Variants in SLC35F3 observed in about 807,000 individuals in gnomAD.
SLC35F3 encodes solute carrier family 35 member F3.
SLC35F3 carries 25 observed loss-of-function variants against 49.9 expected under a neutral mutation model. The ratio of observed to expected loss-of-function variants is 0.50; its 90% CI spans 0.37 to 0.70. The LOEUF (loss-of-function observed/expected upper bound fraction) is 0.70. Among genes scored for constraint, SLC35F3 ranks in the 30% least tolerant of loss-of-function variants. SLC35F3 has a pLI of 0.00. For synonymous variants in SLC35F3, 275 were observed against 265.4 expected, an observed-to-expected ratio of 1.04 and a Z score of -0.35; for missense variants, 525 against 639.8, an observed-to-expected ratio of 0.82 and a Z score of 1.94.
chr1:233,944,008 C>T lies in SLC35F3; in HGVS notation c.283+38250C>T, dbSNP rs114193367. 8.5e-3 allele frequency among the ~76,000 whole-genome samples: 1,288 copies of T among 152,292 alleles called. 15 individuals carry two copies. Among genetic ancestry groups the T allele is most frequent in the African/African-American group, 0.029 (1,197 of 41,564 alleles). ...GAAACTAATGAGGACAAAGATACAA[C>T]GTACCAGAATCTCTGGGACACAGCT... On this transcript the variant is annotated intron_variant, in intron 2 of 7. Transcript: ENST00000366618.
chr1:234,181,609 T>C (rs1666558740), intron 2 of SLC35F3, among the ~76,000 whole-genome samples: 1 of 152,168 alleles, frequency 6.6e-6, no homozygotes, highest in Admixed American at 6.5e-5. Flanking sequence ...TCTAACTCAT[T>C]TGTTGAAGAG....
At chr1:234,238,294 T>C (rs1425547713) in intron 3 of SLC35F3, among the ~76,000 whole-genome samples, 1 of 152,164 alleles carries the variant, frequency 6.6e-6, no homozygotes, top group African/African-American at 2.4e-5. Context: ...GAATAGCAGA[T>C]GTCTGGTACA....
chr1:234,319,072 T>C (rs1657556620), intron 6 of SLC35F3, 129 bp downstream of exon 6: 1 of 771,240 alleles, frequency 1.3e-6, no homozygotes, highest in Non-Finnish European at 2.1e-6. Context: ...GTTTTTAAGA[T>C]CTTTCTGTTT....
At chr1:233,934,306 C>A (rs547078237) in intron 2 of SLC35F3, among the ~76,000 whole-genome samples, 1 of 152,294 alleles carries the variant, frequency 6.6e-6, no homozygotes, top group Non-Finnish European at 1.5e-5. Flanking sequence ...CACTTCCCCA[C>A]TTTCTAAGAC....
chr1:234,152,591 T>C (rs1029775399), intron 2 of SLC35F3, among the ~76,000 whole-genome samples: 5 of 152,184 alleles, frequency 3.3e-5, no homozygotes, highest in African/African-American at 1.2e-4. Context: ...TATTCCGTGG[T>C]GTATATATGC....
chr1:233,907,214 A>T (rs909255734), intron 2 of SLC35F3, among the ~76,000 whole-genome samples: 14 of 152,350 alleles, frequency 9.2e-5, no homozygotes, highest in African/African-American at 3.4e-4. Flanking sequence ...AGTGGTATAA[A>T]TGACAGCCTT....
At chr1:234,123,709 T>C (rs1665608846) in intron 2 of SLC35F3, among the ~76,000 whole-genome samples, 1 of 152,116 alleles carries the variant, frequency 6.6e-6, no homozygotes, top group Admixed American at 6.6e-5. Flanking sequence ...TCAGCCACCA[T>C]GCCCAGCTGA....
At chr1:234,302,040 A>AGGATGAG (rs1397761922) in intron 3 of SLC35F3, among the ~76,000 whole-genome samples, 1 of 152,194 alleles carries the variant, frequency 6.6e-6, no homozygotes, top group African/African-American at 2.4e-5. Context: ...GGCCTGTTGA[A>AGGATGAG]GGATGAGGGA....
Position 233,957,815 on chromosome 1 carries a change from C to CA in SLC35F3, c.283+52067dup, listed in dbSNP as rs71734550. On this transcript the variant is annotated intron_variant, in intron 2 of 7. Coordinates refer to ENST00000366618, the MANE Select transcript of SLC35F3 (RefSeq NM_173508.4). This position sits in a 1 kb window ranked among gnomAD's most constrained non-coding sequence, Gnocchi z 4.0. ...GGGCGACAAAAGCGAAACTCCATCTCAAAAAAAAAATACAATAATCATTTT... is the reference window on the plus strand; with the variant it reads ...GGGCGACAAAAGCGAAACTCCATCTCAAAAAAAAAAATACAATAATCATTTT... Among the ~76,000 whole-genome samples, 7,145 of 147,834 alleles carry CA rather than the reference C, an allele frequency of 0.048. 257 individuals are homozygous for CA. Among genetic ancestry groups the CA allele is most frequent in the East Asian group, 0.17 (873 of 5,066 alleles).
At chr1:234,174,787 A>G (rs1232734667) in intron 2 of SLC35F3, among the ~76,000 whole-genome samples, 2 of 152,256 alleles carry the variant, frequency 1.3e-5, no homozygotes, top group African/African-American at 4.8e-5. Flanking sequence ...TGTGTGAAAC[A>G]TCGTCAACAA....
At chr1:234,298,001 A>G (rs12043941) in intron 3 of SLC35F3, among the ~76,000 whole-genome samples, 19,945 of 152,128 alleles carry the variant, frequency 0.13, 2,511 homozygotes, top group African/African-American at 0.31. Context: ...AAGAGGGCTG[A>G]GGCAACTTTG....
intron 2 of SLC35F3, among the ~76,000 whole-genome samples, chr1:233,926,951 G>A (rs1057204027): frequency 1.4e-4 from 22 of 152,070 alleles, no homozygotes; most frequent in Non-Finnish European, 1.8e-4. Context: ...TGTTTGACTG[G>A]GTATCACCAG....
intron 2 of SLC35F3, among the ~76,000 whole-genome samples, chr1:234,189,454 G>A (rs1666698972): frequency 6.7e-6 from 1 of 149,942 alleles, no homozygotes; most frequent in Admixed American, 6.7e-5. Flanking sequence ...AATCAAACAA[G>A]CAGAAGAACG....
In SLC35F3 at chr1:233,905,830, A is replaced by G. The variant is rs115864184; in HGVS notation, c.283+72A>G. ...TACCATTGTCACAGCAGCCTCGGGG[A>G]GCGCACGCAGTGAGGCGTCCAGCCA... is the stretch of plus-strand genomic sequence containing the variant. On this transcript the variant is annotated intron_variant, in intron 2 of 7. Coordinates refer to ENST00000366618, the MANE Select transcript of SLC35F3 (RefSeq NM_173508.4). 6.7e-3 allele frequency: 9,459 copies of G among 1,409,866 alleles called. 539 individuals are homozygous for G. In the African/African-American group the frequency reaches 0.12, roughly 18 times the overall value. 87.3% of individuals were successfully genotyped at this position (1,409,866 alleles called of 1,614,324 possible). A position where few individuals can be genotyped will look rare whatever the true frequency, so the allele number is the denominator to read the frequency against.
intron 2 of SLC35F3, among the ~76,000 whole-genome samples, chr1:234,098,362 T>A (rs1351886597): frequency 6.8e-6 from 1 of 147,078 alleles, no homozygotes; most frequent in African/African-American, 2.6e-5. Context: ...GCAGTTCAGA[T>A]GGTGGTGGTA....
chr1:234,002,557 G>A (rs1458435365), intron 2 of SLC35F3, among the ~76,000 whole-genome samples: 5 of 152,140 alleles, frequency 3.3e-5, no homozygotes, highest in Non-Finnish European at 5.9e-5. Flanking sequence ...CAAAGGCCAC[G>A]TTTATGATGT....
At chr1:234,133,342 A>G (rs771070024) in intron 2 of SLC35F3, among the ~76,000 whole-genome samples, 3 of 152,208 alleles carry the variant, frequency 2.0e-5, no homozygotes, top group Non-Finnish European at 4.4e-5. Context: ...TTAAATTCCT[A>G]GGAGAGCTTT....
Position 234,142,778 on chromosome 1 carries a change from T to C in SLC35F3, c.284-88639T>C, listed in dbSNP as rs145192158. Among the ~76,000 whole-genome samples, 870 of 152,272 alleles carry C rather than the reference T, an allele frequency of 5.7e-3. 10 individuals are homozygous for C. The highest frequency in any genetic ancestry group is 0.02 in the African/African-American group (820 of 41,560). On this transcript the variant is annotated intron_variant, in intron 2 of 7. Coordinates refer to ENST00000366618, the MANE Select transcript of SLC35F3 (RefSeq NM_173508.4). ...TTTCCCATAGAGTTGGTCATCATGA[T>C]GTTTACCATGTTTCAGATTCAAGGT...
At chr1:233,969,670 A>G (rs1662960613) in intron 2 of SLC35F3, among the ~76,000 whole-genome samples, 2 of 152,380 alleles carry the variant, frequency 1.3e-5, no homozygotes, top group African/African-American at 2.4e-5. Flanking sequence ...GTTGGAAGGC[A>G]TGGCTCGTTC....
Sources: allele counts gnomAD v4.1 joint callset (sites outside exome capture counted in the v4.1 genomes callset), GRCh38; gene constraint gnomAD v4.1.1; non-coding constraint Gnocchi (gnomAD v3.1); transcripts MANE v1.5; gene names NCBI Gene and HGNC (gene_info 2026-07-23, HGNC 2026-07-21).